Variants in ETV6 observed in about 807,000 individuals in gnomAD.
ETV6 encodes transcription factor ETV6.
A neutral mutation model predicts 51.1 loss-of-function variants in ETV6; 16 were observed. That is an observed-to-expected ratio of 0.31 (90% CI 0.21 to 0.48). The LOEUF is 0.48. Ranked by LOEUF, ETV6 falls within the 20% of genes least tolerant of loss-of-function variation. The pLI is 0.99. For synonymous variants in ETV6, 240 were observed against 224.1 expected, an observed-to-expected ratio of 1.07 and a Z score of -0.64; for missense variants, 458 against 594.8, an observed-to-expected ratio of 0.77 and a Z score of 2.39.
intron 1 of ETV6, among the ~76,000 whole-genome samples, chr12:11,650,886 A>G (rs1201449502): frequency 6.6e-6 from 1 of 152,204 alleles, no homozygotes; most frequent in Non-Finnish European, 1.5e-5. Flanking sequence ...AGGCAAAATG[A>G]CCTTCTGTGT....
intron 1 of ETV6, among the ~76,000 whole-genome samples, chr12:11,672,048 G>T (rs1269270179): frequency 6.6e-6 from 1 of 151,348 alleles, no homozygotes; most frequent in Non-Finnish European, 1.5e-5. Flanking sequence ...TAGGAACTAG[G>T]ATGTACGCAT....
Position 11,891,236 on chromosome 12 carries a change from G to A in ETV6, c.*190G>A, listed in dbSNP as rs1565571130. The A allele has an allele frequency of 3.8e-6, 2 of 531,344 alleles. No individual in the cohort carries two copies. Among genetic ancestry groups the A allele is most frequent in the South Asian group, 2.3e-5 (1 of 43,652 alleles). 32.9% of individuals were successfully genotyped at this position (531,344 alleles called of 1,614,324 possible). A position where few individuals can be genotyped will look rare whatever the true frequency, so the allele number is the denominator to read the frequency against. On this transcript the variant is annotated 3_prime_UTR_variant, in exon 8 of 8. Coordinates refer to ENST00000396373, the MANE Select transcript of ETV6 (RefSeq NM_001987.5). ...CTTAGACAAACTACCCAGCACAGGC[G>A]GGGCTGGAATTCTGGCGGAGGGCAT...
At chr12:11,661,375 TGA>T (rs1057280556) in intron 1 of ETV6, among the ~76,000 whole-genome samples, 1 of 152,268 alleles carries the variant, frequency 6.6e-6, no homozygotes, top group Non-Finnish European at 1.5e-5. Flanking sequence ...TTTGCACTTT[TGA>T]GACCCGTCAC....
At chr12:11,786,287 A>G (rs953383318) in intron 2 of ETV6, among the ~76,000 whole-genome samples, 2 of 151,694 alleles carry the variant, frequency 1.3e-5, no homozygotes, top group Non-Finnish European at 2.9e-5. Context: ...AGGTTTTGCA[A>G]TATTTTCTCT....
At chr12:11,686,187 C>T (rs1258096704) in intron 1 of ETV6, among the ~76,000 whole-genome samples, 1 of 152,208 alleles carries the variant, frequency 6.6e-6, no homozygotes, top group African/African-American at 2.4e-5. Context: ...AATAATTACT[C>T]TTCCTCATTT....
intron 1 of ETV6, among the ~76,000 whole-genome samples, chr12:11,684,861 A>G (rs1445887126): frequency 6.6e-6 from 1 of 152,264 alleles, no homozygotes; most frequent in Non-Finnish European, 1.5e-5. Flanking sequence ...CCCAAGAGCC[A>G]ATATTCTAAC....
chr12:11,888,704 A>G (rs1947242996), intron 7 of ETV6, among the ~76,000 whole-genome samples: 1 of 151,432 alleles, frequency 6.6e-6, no homozygotes, highest in Admixed American at 6.6e-5. Context: ...TGCCTGGCCA[A>G]CTTGTTTGTT....
intron 2 of ETV6, among the ~76,000 whole-genome samples, chr12:11,768,355 T>C (rs1177817623): frequency 1.3e-5 from 2 of 152,234 alleles, no homozygotes; most frequent in African/African-American, 4.8e-5. Context: ...ATTTCCTCAT[T>C]AATTTTATTC....
intron 2 of ETV6, among the ~76,000 whole-genome samples, chr12:11,824,948 G>A (rs534844004): frequency 3.4e-4 from 52 of 152,248 alleles, no homozygotes; most frequent in African/African-American, 9.6e-4. Context: ...TAAAAATTTC[G>A]GAACATTGTC....
At chr12:11,870,701 C>T (rs1439977716) in intron 5 of ETV6, among the ~76,000 whole-genome samples, 1 of 152,166 alleles carries the variant, frequency 6.6e-6, no homozygotes, top group Non-Finnish European at 1.5e-5. Flanking sequence ...TTGTTGAGCA[C>T]CTGCTGTGTA....
chr12:11,805,277 C>T (rs1293181037), intron 2 of ETV6, among the ~76,000 whole-genome samples: 1 of 152,212 alleles, frequency 6.6e-6, no homozygotes, highest in Non-Finnish European at 1.5e-5. Flanking sequence ...TTCTGCTCAG[C>T]TGAGTCAGAT....
Position 11,811,277 on chromosome 12 carries a change from A to G in ETV6, c.164-27863A>G, listed in dbSNP as rs1345331142. On this transcript the variant is annotated intron_variant, in intron 2 of 7. Transcript: ENST00000396373. ...ATGCTCTGTTTATATAAAGCTTGGC[A>G]ATCAATAGGAAAAGGAAAGGCTGTT... 2.6e-5 allele frequency among the ~76,000 whole-genome samples: 4 copies of G among 152,246 alleles called. No individual in the cohort carries two copies. In the East Asian group the frequency reaches 7.7e-4, roughly 29 times the overall value.
chr12:11,756,285 C>T (rs1357538178), intron 2 of ETV6, among the ~76,000 whole-genome samples: 1 of 152,148 alleles, frequency 6.6e-6, no homozygotes, highest in Non-Finnish European at 1.5e-5. Flanking sequence ...CCCAGATTAC[C>T]AGGACAGTGC....
At position 11,891,446 on chromosome 12, in the gene ETV6, A is replaced by AAAT; in HGVS notation, c.*402_*404dup. The AAAT allele has an allele frequency of 2.6e-6, 1 of 378,794 alleles. No homozygotes were observed. The highest frequency in any genetic ancestry group is 4.9e-6 in the Non-Finnish European group (1 of 203,880). 23.5% of individuals were successfully genotyped at this position (378,794 alleles called of 1,614,324 possible). On this transcript the variant is annotated 3_prime_UTR_variant, in exon 8 of 8. Coordinates refer to ENST00000396373, the MANE Select transcript of ETV6 (RefSeq NM_001987.5). Reference sequence around the variant, plus strand: ...GACATCTGATGTTGTTTTCCTATGGAAATATATATCTATTATATATATATT... The same window carrying AAAT: ...GACATCTGATGTTGTTTTCCTATGGAAATAATATATATCTATTATATATATATT...
chr12:11,760,657 G>C lies in ETV6; in HGVS notation c.163+8078G>C, dbSNP rs186102239. On this transcript the variant is annotated intron_variant, in intron 2 of 7. Transcript: ENST00000396373. ...CTCTGATTGAGAAGTATCATTGTTA[G>C]GATTTTATTACCCATTTGTTTTCCA... is the stretch of plus-strand genomic sequence containing the variant. 4.6e-5 allele frequency among the ~76,000 whole-genome samples: 7 copies of C among 152,180 alleles called. No individual in the cohort carries two copies. The East Asian group carries it at 1.4e-3, about 29-fold the overall frequency.
At chr12:11,829,840 G>A (rs554623486) in intron 2 of ETV6, among the ~76,000 whole-genome samples, 1 of 152,184 alleles carries the variant, frequency 6.6e-6, no homozygotes, top group Non-Finnish European at 1.5e-5. Context: ...GGCTAACCTT[G>A]AGGACAGAAA....
rs529014501 is a variant in ETV6, at chr12:11,683,897, CT to C, written c.33+33747del. Among the ~76,000 whole-genome samples, 51 of 148,364 alleles carry C rather than the reference CT, an allele frequency of 3.4e-4. No individual in the cohort carries two copies. In the South Asian group the frequency reaches 6.9e-3, roughly 20 times the overall value. ...TTGCCTCCCAAACTTTTCTGTTTAG[CT>C]TTTTTTTTTCTCTCCAAGAGGAATT... On this transcript the variant is annotated intron_variant, in intron 1 of 7. Transcript: ENST00000396373.
In ETV6 at chr12:11,895,338, A is replaced by C. The variant is rs998852994; in HGVS notation, c.*4292A>C. 4.3e-6 allele frequency: 1 copy of C among 231,758 alleles called. No individual in the cohort carries two copies. Among genetic ancestry groups the C allele is most frequent in the Non-Finnish European group, 8.5e-6 (1 of 117,032 alleles). The allele number at this position is 231,758 out of a possible 1,614,324, so 14.4% of individuals were successfully genotyped here. A position where few individuals can be genotyped will look rare whatever the true frequency, so the allele number is the denominator to read the frequency against. ...CTTTTCTCAGGGCCAGTGAGTTGCA[A>C]ATAATTTTTAAAGAAAAGCCTATAA... On this transcript the variant is annotated 3_prime_UTR_variant, in exon 8 of 8. Coordinates refer to ENST00000396373, the MANE Select transcript of ETV6 (RefSeq NM_001987.5).
intron 2 of ETV6, among the ~76,000 whole-genome samples, chr12:11,765,340 C>G (rs1196576714): frequency 6.6e-6 from 1 of 152,126 alleles, no homozygotes. Context: ...AATCCAGGGC[C>G]GTCTTAGATC....
Sources: gnomAD v4.1 joint callset for allele counts (sites outside exome capture counted in the v4.1 genomes callset) on GRCh38, gnomAD v4.1.1 for gene constraint, MANE v1.5 for transcripts, NCBI Gene and HGNC (gene_info 2026-07-23, HGNC 2026-07-21) for gene names.